TCF7L2: variants seen among roughly 807,000 people sequenced by gnomAD.
The protein encoded by TCF7L2 is transcription factor 7-like 2.
A neutral mutation model predicts 77.9 loss-of-function variants in TCF7L2; 23 were observed. The ratio of observed to expected loss-of-function variants is 0.30; its 90% CI spans 0.21 to 0.42. The LOEUF (loss-of-function observed/expected upper bound fraction) is 0.42. Among genes scored for constraint, TCF7L2 ranks in the 10% least tolerant of loss-of-function variants. The pLI, the probability that TCF7L2 is intolerant of heterozygous loss-of-function variation, is 1.00. For missense variants in TCF7L2, 654 were observed against 793.1 expected, an observed-to-expected ratio of 0.82 and a Z score of 2.11; for synonymous variants, 413 against 340.2, an observed-to-expected ratio of 1.21 and a Z score of -2.36.
chr10:112,956,857 A>G (rs1179236659), intron 3 of TCF7L2, among the ~76,000 whole-genome samples: 1 of 152,106 alleles, frequency 6.6e-6, no homozygotes, highest in Non-Finnish European at 1.5e-5. Flanking sequence ...AGTAGCTCAG[A>G]TTTCTCTCAC....
At chr10:113,077,739 C>T (rs770280205) in intron 5 of TCF7L2, among the ~76,000 whole-genome samples, 35 of 140,570 alleles carry the variant, frequency 2.5e-4, no homozygotes, top group Middle Eastern at 4.1e-3. Context: ...CTTGCTGTGT[C>T]GCCCAGGCTG....
chr10:113,031,312 TG>T (rs1220195103), intron 4 of TCF7L2, among the ~76,000 whole-genome samples: 4 of 152,174 alleles, frequency 2.6e-5, no homozygotes, highest in Non-Finnish European at 5.9e-5. Flanking sequence ...TTATTGACAC[TG>T]CCCTAGCACT....
At chr10:112,997,202 G>A (rs1229267821) in intron 4 of TCF7L2, among the ~76,000 whole-genome samples, 1 of 152,242 alleles carries the variant, frequency 6.6e-6, no homozygotes, top group Non-Finnish European at 1.5e-5. Context: ...AAATACCACA[G>A]CTGGTAGAAT....
chr10:113,077,711 T>TG (rs2058849502), intron 5 of TCF7L2, among the ~76,000 whole-genome samples: 1 of 149,878 alleles, frequency 6.7e-6, no homozygotes, highest in Non-Finnish European at 1.5e-5. Flanking sequence ...TCTTTTTTTT[T>TG]TTTTTTTGAG....
intron 4 of TCF7L2, among the ~76,000 whole-genome samples, chr10:112,982,403 A>G (rs1449858771): frequency 6.6e-6 from 1 of 152,178 alleles, no homozygotes; most frequent in Non-Finnish European, 1.5e-5. Flanking sequence ...CACATAAGAA[A>G]GGTTTATTGG....
intron 5 of TCF7L2, chr10:113,129,922 G>A (rs559797024): frequency 6.2e-5 from 80 of 1,294,588 alleles, no homozygotes; most frequent in African/African-American, 4.7e-4. Flanking sequence ...TAAGGGAGGC[G>A]CAGTGGCCTC....
chr10:113,085,787 C>A (rs555945226), intron 5 of TCF7L2, among the ~76,000 whole-genome samples: 66 of 152,346 alleles, frequency 4.3e-4, no homozygotes, highest in African/African-American at 1.5e-3. Context: ...ACTTCACTTT[C>A]CGCAGGAGAA....
intron 5 of TCF7L2, among the ~76,000 whole-genome samples, chr10:113,073,809 C>T (rs957723400): frequency 6.6e-6 from 1 of 152,194 alleles, no homozygotes; most frequent in African/African-American, 2.4e-5. Context: ...CTCACCACAC[C>T]GGACTGCCTG....
At chr10:113,072,137 C>T (rs1185763385) in intron 5 of TCF7L2, among the ~76,000 whole-genome samples, 3 of 151,134 alleles carry the variant, frequency 2.0e-5, no homozygotes, top group Non-Finnish European at 4.4e-5. Flanking sequence ...GCTCACTGCA[C>T]CTCTGCCTCC....
Position 112,992,453 on chromosome 10 carries a change from G to A in TCF7L2, c.450+27829G>A, listed in dbSNP as rs114921682. Among the ~76,000 whole-genome samples the A allele has an allele frequency of 3.6e-3, 550 of 152,304 alleles. 3 individuals carry two copies. The highest frequency in any genetic ancestry group is 0.012 in the African/African-American group (500 of 41,568). On this transcript the variant is annotated intron_variant, in intron 4 of 13. Coordinates refer to ENST00000627217, the MANE Select transcript of TCF7L2 (RefSeq NM_001146274.2). ...TGTGGGCGTTGGGATTCCTGGGTTC[G>A]AGTTCCAGCTCACTGCCAATTGCCC...
chr10:113,128,640 G>A (rs1211460731), intron 5 of TCF7L2, among the ~76,000 whole-genome samples: 1 of 152,200 alleles, frequency 6.6e-6, no homozygotes, highest in Non-Finnish European at 1.5e-5. Flanking sequence ...TGCTTTTGAA[G>A]AGGGTGAAAT....
chr10:112,963,891 C>T (rs2296783), intron 3 of TCF7L2, among the ~76,000 whole-genome samples: 20,635 of 152,120 alleles, frequency 0.14, 2,369 homozygotes, highest in East Asian at 0.67. Context: ...AGAAAATTGG[C>T]GGCTTTCTGG....
chr10:113,160,553 T>A lies in TCF7L2; in HGVS notation c.1319-66T>A, dbSNP rs543017580. ...GAAGAAAAGGAAGCTGTAGCTGAGATTTCACATCCAACTGAGCACGACCCA... is the reference window on the plus strand; with the variant it reads ...GAAGAAAAGGAAGCTGTAGCTGAGAATTCACATCCAACTGAGCACGACCCA... On this transcript the variant is annotated intron_variant, in intron 12 of 13. Transcript: ENST00000627217. 5 of 1,437,132 alleles carry A rather than the reference T, an allele frequency of 3.5e-6. No homozygotes were observed. In the African/African-American group the frequency reaches 7.1e-5, roughly 21 times the overall value. The allele number at this position is 1,437,132 out of a possible 1,614,324, so 89.0% of individuals were successfully genotyped here. A position where few individuals can be genotyped will look rare whatever the true frequency, so the allele number is the denominator to read the frequency against.
intron 4 of TCF7L2, among the ~76,000 whole-genome samples, chr10:113,017,055 A>G (rs2047457054): frequency 6.6e-6 from 1 of 151,886 alleles, no homozygotes; most frequent in East Asian, 1.9e-4. Flanking sequence ...TCTCTTCTCC[A>G]CTCCTCAACA....
intron 5 of TCF7L2, among the ~76,000 whole-genome samples, chr10:113,059,482 G>T (rs1488643343): frequency 1.3e-5 from 2 of 152,106 alleles, no homozygotes; most frequent in African/African-American, 4.8e-5. Context: ...AAAAGGCGGG[G>T]GTTGGGGAGG....
intron 4 of TCF7L2, among the ~76,000 whole-genome samples, chr10:113,038,036 T>TG (rs1344081802): frequency 6.6e-6 from 1 of 152,106 alleles, no homozygotes; most frequent in African/African-American, 2.4e-5. Context: ...GGGTTACAGA[T>TG]GGAGACTGGA....
chr10:112,951,402 G>A, intron 2 of TCF7L2, 81 bp from the exon 3 acceptor site: 1 of 1,250,804 alleles, frequency 8.0e-7, no homozygotes. Context: ...CGGCCCCTCG[G>A]GGCACTTTCT....
intron 4 of TCF7L2, among the ~76,000 whole-genome samples, chr10:113,004,775 C>G (rs557608592): frequency 6.6e-6 from 1 of 151,982 alleles, no homozygotes; most frequent in East Asian, 1.9e-4. Context: ...CGGGTTCAAG[C>G]GATTCTCCTG....
intron 4 of TCF7L2, among the ~76,000 whole-genome samples, chr10:112,972,751 G>A (rs568273005): frequency 6.6e-6 from 1 of 152,312 alleles, no homozygotes; most frequent in South Asian, 2.1e-4. Flanking sequence ...GATTACAGGC[G>A]TGATCCACCG....
Sources: gnomAD v4.1 joint callset for allele counts (sites outside exome capture counted in the v4.1 genomes callset) on GRCh38, gnomAD v4.1.1 for gene constraint, MANE v1.5 for transcripts, NCBI Gene and HGNC (gene_info 2026-07-23, HGNC 2026-07-21) for gene names.